The following RBFOX1 variants were observed in gnomAD, a reference collection of about 807,000 sequenced individuals.
RBFOX1 encodes the protein RNA binding fox-1 homolog 1.
RBFOX1 carries 8 observed loss-of-function variants against 57.7 expected under a neutral mutation model. The observed-to-expected ratio is 0.14, with a 90% confidence interval of 0.08 to 0.25. RBFOX1 has a LOEUF of 0.25. Among genes scored for constraint, RBFOX1 ranks in the 10% least tolerant of loss-of-function variants. RBFOX1 has a pLI of 1.00. For missense variants in RBFOX1, 611 were observed against 548.5 expected (o/e 1.11, Z -1.14); for synonymous variants, 326 against 222.4 (o/e 1.47, Z -4.15).
chr16:7,031,705 G>T (rs2042843052), intron 3 of RBFOX1, among the ~76,000 whole-genome samples: 1 of 152,110 alleles, frequency 6.6e-6, no homozygotes, highest in Admixed American at 6.5e-5. Flanking sequence ...CTTTATAAAT[G>T]CTACCTATTG....
chr16:5,293,907 G>T (rs559557295), intron 1 of RBFOX1, among the ~76,000 whole-genome samples: 11 of 152,282 alleles, frequency 7.2e-5, no homozygotes, highest in Non-Finnish European at 8.8e-5. Flanking sequence ...TTCACACAGG[G>T]ACTTGTATGT....
At chr16:7,427,523 A>G (rs1378898967) in intron 4 of RBFOX1, among the ~76,000 whole-genome samples, 3 of 152,096 alleles carry the variant, frequency 2.0e-5, no homozygotes, top group Non-Finnish European at 4.4e-5. Flanking sequence ...CCAGTCTCTA[A>G]CCAACTTCTG....
chr16:7,537,699 GGCCC>G (rs2081865260), intron 5 of RBFOX1, among the ~76,000 whole-genome samples: 1 of 152,150 alleles, frequency 6.6e-6, no homozygotes, highest in South Asian at 2.1e-4. Flanking sequence ...ATTTCATCCA[GGCCC>G]TTATGCTTGG....
intron 4 of RBFOX1, among the ~76,000 whole-genome samples, chr16:5,905,299 C>T (rs978082754): frequency 9.9e-5 from 15 of 151,886 alleles, no homozygotes; most frequent in Non-Finnish European, 1.8e-4. Context: ...GTAATCCACC[C>T]GCCTCGGCCT....
At chr16:7,691,984 G>A (rs149405279) in intron 14 of RBFOX1, among the ~76,000 whole-genome samples, 344 of 152,216 alleles carry the variant, frequency 2.3e-3, no homozygotes, top group African/African-American at 7.1e-3. Flanking sequence ...AGGAATTCCC[G>A]TGTTATTGCC....
At chr16:6,289,090 T>G (rs1248466479) in intron 1 of RBFOX1, among the ~76,000 whole-genome samples, 1 of 152,092 alleles carries the variant, frequency 6.6e-6, no homozygotes, top group African/African-American at 2.4e-5. Context: ...GAGAATAACT[T>G]TTGGAGGGGG....
At position 5,663,264 on chromosome 16, in the gene RBFOX1, G is replaced by A. The variant is rs150295343; in HGVS notation, c.318+64303G>A. ...CTTGTTCTGTCACCCGGGCTGGAGT[G>A]CAGTGGCACGAACATGGCTCACTAT... On this transcript the variant is annotated intron_variant, in intron 3 of 19. Transcript: ENST00000641259. Among the ~76,000 whole-genome samples the A allele has an allele frequency of 7.3e-3, 1,110 of 152,186 alleles. 12 individuals are homozygous for A. Among genetic ancestry groups the A allele is most frequent in the African/African-American group, 0.025 (1,043 of 41,504 alleles).
At chr16:5,480,673 T>G (rs2069508747) in intron 2 of RBFOX1, among the ~76,000 whole-genome samples, 1 of 152,204 alleles carries the variant, frequency 6.6e-6, no homozygotes, top group African/African-American at 2.4e-5. Flanking sequence ...GCCTTGAATA[T>G]TTATACCAGA....
chr16:5,320,531 T>A (rs1166735591), intron 1 of RBFOX1, among the ~76,000 whole-genome samples: 1 of 152,210 alleles, frequency 6.6e-6, no homozygotes, highest in African/African-American at 2.4e-5. Flanking sequence ...TCCATAAAAT[T>A]CATCAAGTCT....
chr16:6,169,082 G>C (rs912375097), intron 1 of RBFOX1, among the ~76,000 whole-genome samples: 15 of 152,092 alleles, frequency 9.9e-5, no homozygotes, highest in Admixed American at 9.2e-4. Context: ...AGCCACATTC[G>C]GATTTGTAGA....
intron 4 of RBFOX1, among the ~76,000 whole-genome samples, chr16:5,893,428 T>G (rs2058090422): frequency 6.6e-6 from 1 of 152,186 alleles, no homozygotes; most frequent in Non-Finnish European, 1.5e-5. Flanking sequence ...AACTGGATTG[T>G]TTGTATCACA....
chr16:7,156,773 C>T (rs2077236237), intron 4 of RBFOX1, among the ~76,000 whole-genome samples: 2 of 152,148 alleles, frequency 1.3e-5, no homozygotes, highest in Non-Finnish European at 2.9e-5. Context: ...CTACTTCAAA[C>T]ACTGCATCTG....
chr16:7,102,759 A>C (rs1335374899), intron 4 of RBFOX1, among the ~76,000 whole-genome samples: 2 of 152,222 alleles, frequency 1.3e-5, no homozygotes, highest in African/African-American at 4.8e-5. Context: ...ACCTTTTACT[A>C]AGAATGAAGT....
intron 1 of RBFOX1, among the ~76,000 whole-genome samples, chr16:6,120,266 G>C (rs932176031): frequency 6.6e-6 from 1 of 152,190 alleles, no homozygotes; most frequent in East Asian, 1.9e-4. Flanking sequence ...TTGAGTACAT[G>C]TTTTCAGTTC....
intron 3 of RBFOX1, among the ~76,000 whole-genome samples, chr16:6,788,360 G>T (rs1222565863): frequency 6.6e-6 from 1 of 152,042 alleles, no homozygotes; most frequent in African/African-American, 2.4e-5. Flanking sequence ...GGTGAGGCAT[G>T]TAACTACCTT....
intron 5 of RBFOX1, chr16:7,519,726 C>T (rs1302182346): frequency 1.0e-6 from 1 of 984,618 alleles, no homozygotes; most frequent in African/African-American, 1.7e-5. Context: ...GGCAATTCTG[C>T]CTCTTCGTCC....
intron 1 of RBFOX1, among the ~76,000 whole-genome samples, chr16:5,383,723 T>A (rs551418454): frequency 5.3e-4 from 81 of 152,210 alleles, no homozygotes; most frequent in Non-Finnish European, 9.6e-4. Context: ...GGAAAATGAG[T>A]TAGACATTGT....
intron 4 of RBFOX1, among the ~76,000 whole-genome samples, chr16:7,225,444 C>T (rs1423458248): frequency 6.6e-6 from 1 of 152,084 alleles, no homozygotes; most frequent in Non-Finnish European, 1.5e-5. Context: ...ATCAGATGCA[C>T]CTTTCACCTT....
intron 2 of RBFOX1, among the ~76,000 whole-genome samples, chr16:5,582,128 G>A (rs1048360943): frequency 1.3e-5 from 2 of 152,322 alleles, no homozygotes; most frequent in Middle Eastern, 3.4e-3. Context: ...CAGTCTCGAG[G>A]GAGCCCTAAT....
Sources: gnomAD v4.1 joint callset for allele counts (sites outside exome capture counted in the v4.1 genomes callset) on GRCh38, gnomAD v4.1.1 for gene constraint, MANE v1.5 for transcripts, NCBI Gene and HGNC (gene_info 2026-07-23, HGNC 2026-07-21) for gene names.